Variants in EFR3B observed in about 807,000 individuals in gnomAD.
EFR3B encodes protein EFR3 homolog B.
In EFR3B, 64 loss-of-function variants were observed where a neutral mutation model predicts 104.7. The observed-to-expected ratio is 0.61, with a 90% CI of 0.50 to 0.75. The LOEUF (loss-of-function observed/expected upper bound fraction) is 0.75, where lower values mean the gene tolerates loss of function less well. EFR3B is among the 30% of genes least tolerant of loss of function. The pLI is 0.00. For synonymous variants in EFR3B, 385 were observed against 417.9 expected, an observed-to-expected ratio of 0.92 and a Z score of 0.96; for missense variants, 750 against 1,078.5, an observed-to-expected ratio of 0.70 and a Z score of 4.27.
At chr2:25,060,251 AT>A (rs1377173256) in intron 1 of EFR3B, among the ~76,000 whole-genome samples, 2 of 152,234 alleles carry the variant, frequency 1.3e-5, no homozygotes, top group Admixed American at 1.3e-4. Flanking sequence ...TTTTACCATA[AT>A]TTTTTAAAAA....
Position 25,156,290 on chromosome 2 carries a change from G to GTTTTTTTTTTTTTTTTTTT in EFR3B, c.*1957_*1975dup, listed in dbSNP as rs1034346702. The GTTTTTTTTTTTTTTTTTTT allele has an allele frequency of 1.4e-5, 1 of 71,752 alleles. No homozygotes were observed. The highest frequency in any genetic ancestry group is 5.6e-5 in the African/African-American group (1 of 17,866). The allele number at this position is 71,752 out of a possible 1,614,324, so 4.4% of individuals were successfully genotyped here. The stretch of plus-strand genomic sequence containing the variant: ...TGTGGGCACACAGCTTCTTTTTCTT[G>GTTTTTTTTTTTTTTTTTTT]TTTTTTTTTTTTTTTTTTTTTTTTT... On this transcript the variant is annotated 3_prime_UTR_variant, in exon 23 of 23. Transcript: ENST00000403714.
chr2:25,137,488 G>C lies in EFR3B; in HGVS notation c.1708G>C (p.Val570Leu). 1 of 1,551,748 alleles carries C rather than the reference G, an allele frequency of 6.4e-7. No homozygotes were observed. Among genetic ancestry groups the C allele is most frequent in the Non-Finnish European group, 8.7e-7 (1 of 1,147,002 alleles). ...GGTGGTGGTGGACCTCATCCGTCTG[G>C]TGCTGGCTGTTCAGGTGGGGCCTGG... ...EEVVVDLIRL[V>L]LAVQDVAQVN... is the part of the protein sequence containing the mutation. The change falls in exon 15 of 23, where the codon GTG becomes CTG. Residue 570 changes from valine to leucine, a missense_variant. Coordinates refer to ENST00000403714, the MANE Select transcript of EFR3B (RefSeq NM_014971.2). This position sits in a 1 kb window ranked among gnomAD's most constrained non-coding sequence, Gnocchi z 4.7.
chr2:25,062,065 G>A (rs995630252), intron 1 of EFR3B, among the ~76,000 whole-genome samples: 1 of 152,092 alleles, frequency 6.6e-6, no homozygotes, highest in Non-Finnish European at 1.5e-5. Context: ...TCTACACTTC[G>A]TGTAGTGAGT....
intron 5 of EFR3B, among the ~76,000 whole-genome samples, chr2:25,125,327 C>T (rs555116489): frequency 1.3e-5 from 2 of 152,250 alleles, no homozygotes; most frequent in Non-Finnish European, 2.9e-5. Flanking sequence ...GCCAGGCCCA[C>T]TTGGACGGGA....
rs371270337 is a variant in EFR3B, at chr2:25,089,535, G to A, written c.8-1790G>A. Among the ~76,000 whole-genome samples, 36 of 152,276 alleles carry A rather than the reference G, an allele frequency of 2.4e-4. No homozygotes were observed. The East Asian group carries it at 5.8e-3, about 24-fold the overall frequency. On this transcript the variant is annotated intron_variant, in intron 1 of 22. Coordinates refer to ENST00000403714, the MANE Select transcript of EFR3B (RefSeq NM_014971.2). ...GGAGGCTGCTGGGAGAGCGTGGAGCGTGTGCTACCTGGGCACCTTGGAAAG... is the reference window on the plus strand; with the variant it reads ...GGAGGCTGCTGGGAGAGCGTGGAGCATGTGCTACCTGGGCACCTTGGAAAG...
At chr2:25,135,035 TGA>T (rs1251874288) in intron 12 of EFR3B, among the ~76,000 whole-genome samples, 1 of 152,208 alleles carries the variant, frequency 6.6e-6, no homozygotes, top group Non-Finnish European at 1.5e-5. Flanking sequence ...GCCGTGTGTG[TGA>T]GTTCTGATCC....
At chr2:25,129,019 C>G (rs971411009) in intron 6 of EFR3B, among the ~76,000 whole-genome samples, 1 of 141,800 alleles carries the variant, frequency 7.1e-6, no homozygotes, top group African/African-American at 2.6e-5. Context: ...TTCATGGCTC[C>G]GATCACTGCG....
At chr2:25,134,173 T>TTATA (rs755939359) in intron 12 of EFR3B, among the ~76,000 whole-genome samples, 35 of 78,478 alleles carry the variant, frequency 4.5e-4, no homozygotes, top group African/African-American at 2.8e-3. Flanking sequence ...AGGTCTCAGT[T>TTATA]TATATTTTTT....
chr2:25,105,841 C>G (rs1462087487), intron 4 of EFR3B, among the ~76,000 whole-genome samples: 1 of 152,206 alleles, frequency 6.6e-6, no homozygotes, highest in Non-Finnish European at 1.5e-5. Context: ...GTTCTGTCAG[C>G]TACAGCATGA....
Position 25,135,593 on chromosome 2 carries a change from A to G in EFR3B, c.1438A>G (p.Ser480Gly), listed in dbSNP as rs1189485654. 1 of 1,551,990 alleles carries G rather than the reference A, an allele frequency of 6.4e-7. No homozygotes were observed. The highest frequency in any genetic ancestry group is 8.7e-7 in the Non-Finnish European group (1 of 1,147,060). Residue 480 changes from serine to glycine, a missense_variant, in exon 13 of 23, where the codon AGT (serine) becomes GGT (glycine). Transcript: ENST00000403714. ...ACTCTTTGTTCTAGAGATTCTCATC[A>G]GTTTCATTGATCGTCATGGCAACCG... is the stretch of plus-strand genomic sequence containing the variant. ...IRLFVLEILI[S>G]FIDRHGNRHK...
intron 6 of EFR3B, among the ~76,000 whole-genome samples, chr2:25,129,312 G>A (rs1013070971): frequency 2.1e-5 from 3 of 141,410 alleles, no homozygotes; most frequent in African/African-American, 5.2e-5. Flanking sequence ...AGCTAGACTC[G>A]GGTCGACGGG....
chr2:25,057,281 C>T (rs1476410752), intron 1 of EFR3B, among the ~76,000 whole-genome samples: 2 of 152,164 alleles, frequency 1.3e-5, no homozygotes. Flanking sequence ...TGCTACAATT[C>T]TTGCTTTGCA....
At position 25,154,522 on chromosome 2, in the gene EFR3B, T is replaced by G. The variant is rs1277732204; in HGVS notation, c.*182T>G. 5.1e-6 allele frequency: 3 copies of G among 582,586 alleles called. No individual in the cohort carries two copies. The highest frequency in any genetic ancestry group is 6.0e-6 in the Non-Finnish European group (2 of 331,472). 36.1% of individuals were successfully genotyped at this position (582,586 alleles called of 1,614,324 possible). On this transcript the variant is annotated 3_prime_UTR_variant, in exon 23 of 23. Coordinates refer to ENST00000403714, the MANE Select transcript of EFR3B (RefSeq NM_014971.2). The surrounding 1 kb of genome is among the most constrained non-coding windows in gnomAD (Gnocchi z 4.1). The stretch of plus-strand genomic sequence containing the variant: ...CCTTCTTGGCCCTCCTACCTCCTCC[T>G]CGTCTTCCCTGAGGGAGGTCTCACC...
intron 20 of EFR3B, among the ~76,000 whole-genome samples, chr2:25,151,239 T>C (rs1361803389): frequency 2.6e-5 from 4 of 151,832 alleles, no homozygotes; most frequent in Non-Finnish European, 4.4e-5. Context: ...GGCTTTACCA[T>C]TGTCAATGTC....
chr2:25,122,684 G>A (rs1308549504), intron 5 of EFR3B, among the ~76,000 whole-genome samples: 1 of 152,004 alleles, frequency 6.6e-6, no homozygotes, highest in Non-Finnish European at 1.5e-5. Flanking sequence ...TTGCTCAAAT[G>A]TCCCCTTGTC....
At chr2:25,097,823 G>T (rs962706038) in intron 3 of EFR3B, among the ~76,000 whole-genome samples, 1 of 152,168 alleles carries the variant, frequency 6.6e-6, no homozygotes, top group East Asian at 1.9e-4. Flanking sequence ...GAACAGCAGT[G>T]CTGGGTAAGA....
intron 4 of EFR3B, among the ~76,000 whole-genome samples, chr2:25,118,785 A>G (rs1025342642): frequency 6.7e-6 from 1 of 148,276 alleles, no homozygotes; most frequent in Non-Finnish European, 1.5e-5. Flanking sequence ...TCACACCTGT[A>G]ATCCCAGCAA....
chr2:25,079,590 A>G (rs1409871823), intron 1 of EFR3B, among the ~76,000 whole-genome samples: 1 of 152,066 alleles, frequency 6.6e-6, no homozygotes, highest in African/African-American at 2.4e-5. Context: ...AATTTATTTT[A>G]TTTGTAGGAC....
At chr2:25,087,774 A>C (rs890255445) in intron 1 of EFR3B, among the ~76,000 whole-genome samples, 2 of 152,202 alleles carry the variant, frequency 1.3e-5, no homozygotes, top group African/African-American at 4.8e-5. Flanking sequence ...TGCCCAGCCA[A>C]AGAGCAGGAA....
Sources: allele counts gnomAD v4.1 joint callset (sites outside exome capture counted in the v4.1 genomes callset), GRCh38; gene constraint gnomAD v4.1.1; non-coding constraint Gnocchi (gnomAD v3.1); transcripts MANE v1.5; gene names NCBI Gene and HGNC (gene_info 2026-07-23, HGNC 2026-07-21).